Variants in HMGCLL1 observed in about 807,000 individuals in gnomAD.
The protein encoded by HMGCLL1 is 3-hydroxymethyl-3-methylglutaryl-CoA lyase, cytoplasmic.
Under a neutral mutation model 39.1 loss-of-function variants are expected in HMGCLL1, and 36 were observed. The observed-to-expected ratio is 0.92, with a 90% CI of 0.71 to 1.22. HMGCLL1 has a LOEUF of 1.22. HMGCLL1 is among the 50% of genes most tolerant of loss of function. The pLI, the probability that HMGCLL1 is intolerant of heterozygous loss-of-function variation, is 0.00. For missense variants in HMGCLL1, 451 were observed against 416.5 expected, an observed-to-expected ratio of 1.08 and a Z score of -0.72; for synonymous variants, 149 against 144.0, an observed-to-expected ratio of 1.03 and a Z score of -0.25.
At chr6:55,467,940 C>T (rs1258969126) in intron 7 of HMGCLL1, among the ~76,000 whole-genome samples, 1 of 151,962 alleles carries the variant, frequency 6.6e-6, no homozygotes, top group Non-Finnish European at 1.5e-5. Context: ...AACACCTCTT[C>T]AGGAAGTCTT....
intron 3 of HMGCLL1, among the ~76,000 whole-genome samples, chr6:55,541,475 T>TA (rs769391756): frequency 3.6e-4 from 55 of 152,264 alleles, no homozygotes; most frequent in Admixed American, 3.9e-4. Context: ...GCAGACCCCC[T>TA]AAAATGCTAT....
chr6:55,485,608 G>A (rs956383722), intron 7 of HMGCLL1, among the ~76,000 whole-genome samples: 9 of 151,830 alleles, frequency 5.9e-5, no homozygotes, highest in Non-Finnish European at 1.2e-4. Context: ...TAAAATTTGT[G>A]AGGAAAAAAC....
At chr6:55,469,977 C>T (rs1185350075) in intron 7 of HMGCLL1, among the ~76,000 whole-genome samples, 1 of 151,796 alleles carries the variant, frequency 6.6e-6, no homozygotes, top group Non-Finnish European at 1.5e-5. Context: ...TAAAGTTTTC[C>T]AGCTTCCGCA....
chr6:55,504,780 T>C (rs987187283), intron 5 of HMGCLL1, among the ~76,000 whole-genome samples: 1 of 151,714 alleles, frequency 6.6e-6, no homozygotes, highest in Non-Finnish European at 1.5e-5. Context: ...TATGAATTAA[T>C]ACACAAATAC....
intron 7 of HMGCLL1, among the ~76,000 whole-genome samples, chr6:55,488,094 G>A (rs770110593): frequency 1.3e-5 from 2 of 152,006 alleles, no homozygotes; most frequent in Non-Finnish European, 2.9e-5. Flanking sequence ...GGGCAGAATA[G>A]AAAATTTTTC....
the HMGCLL1 span, among the ~76,000 whole-genome samples, chr6:55,617,003 A>G: frequency 1.3e-5 from 2 of 152,106 alleles, no homozygotes; most frequent in Non-Finnish European, 2.9e-5. Context: ...AAATAATAAG[A>G]CAAAGAGAAA....
At chr6:55,439,610 T>C (rs747783845) in intron 7 of HMGCLL1, 51 bp from the exon 8 acceptor site, 1 of 1,579,984 alleles carries the variant, frequency 6.3e-7, no homozygotes, top group African/African-American at 1.4e-5. Context: ...GGCATGTAAA[T>C]TGTTGCATTT....
the HMGCLL1 span, among the ~76,000 whole-genome samples, chr6:55,627,381 G>C: frequency 6.6e-6 from 1 of 151,978 alleles, no homozygotes; most frequent in African/African-American, 2.4e-5. Flanking sequence ...TGCACTTCTG[G>C]TTGTACGGAG....
At chr6:55,641,463 C>CGTGTGT in the HMGCLL1 span, among the ~76,000 whole-genome samples, 1 of 151,562 alleles carries the variant, frequency 6.6e-6, no homozygotes, top group Non-Finnish European at 1.5e-5. Context: ...ATGTTATATA[C>CGTGTGT]GTGTGTGTGT....
chr6:55,517,283 T>A (rs1767790871), intron 3 of HMGCLL1, among the ~76,000 whole-genome samples: 1 of 152,096 alleles, frequency 6.6e-6, no homozygotes, highest in East Asian at 1.9e-4. Flanking sequence ...ATATCAAATT[T>A]ACCAGTTTGC....
the HMGCLL1 span, among the ~76,000 whole-genome samples, chr6:55,612,050 C>T: frequency 6.6e-6 from 1 of 152,156 alleles, no homozygotes; most frequent in East Asian, 1.9e-4. Flanking sequence ...TAGAATACCC[C>T]ATCGTCTCAG....
chr6:55,504,420 A>G (rs978936051), intron 5 of HMGCLL1, among the ~76,000 whole-genome samples: 3 of 151,740 alleles, frequency 2.0e-5, no homozygotes, highest in African/African-American at 7.2e-5. Flanking sequence ...TTGGCAGTAC[A>G]ATAATTATTT....
the HMGCLL1 span, among the ~76,000 whole-genome samples, chr6:55,603,349 ATAATT>A: frequency 6.6e-6 from 1 of 152,116 alleles, no homozygotes; most frequent in African/African-American, 2.4e-5. Flanking sequence ...TATTTAGGTT[ATAATT>A]TAATTTAAGT....
the HMGCLL1 span, among the ~76,000 whole-genome samples, chr6:55,634,303 T>C: frequency 3.9e-5 from 6 of 152,008 alleles, no homozygotes; most frequent in African/African-American, 1.4e-4. Context: ...AAACATCTGC[T>C]CAGCCACAAC....
chr6:55,627,391 G>C, the HMGCLL1 span, among the ~76,000 whole-genome samples: 2 of 151,936 alleles, frequency 1.3e-5, no homozygotes, highest in Non-Finnish European at 2.9e-5. Flanking sequence ...GTTGTACGGA[G>C]GATAGTTGTA....
At chr6:55,549,837 T>A (rs182525139) in intron 1 of HMGCLL1, among the ~76,000 whole-genome samples, 1 of 152,114 alleles carries the variant, frequency 6.6e-6, no homozygotes, top group Admixed American at 6.5e-5. Context: ...TGATGTGCTA[T>A]GAGTTTTCAG....
chr6:55,483,674 A>G (rs1765854978), intron 7 of HMGCLL1, among the ~76,000 whole-genome samples: 1 of 152,212 alleles, frequency 6.6e-6, no homozygotes. Flanking sequence ...TAGACTAAAG[A>G]GATGGAAAGA....
chr6:55,627,791 G>T, the HMGCLL1 span, among the ~76,000 whole-genome samples: 1 of 137,548 alleles, frequency 7.3e-6, no homozygotes, highest in Non-Finnish European at 1.5e-5. Context: ...TTCAGTTTTG[G>T]GACTTGTACT....
At chr6:55,571,095 T>C (rs116066471) in intron 1 of HMGCLL1, among the ~76,000 whole-genome samples, 2,398 of 152,304 alleles carry the variant, frequency 0.016, 58 homozygotes, top group African/African-American at 0.055. Context: ...TTATGGGAGC[T>C]ACAATTCAAG....
Sources: gnomAD v4.1 joint callset for allele counts (sites outside exome capture counted in the v4.1 genomes callset) on GRCh38, gnomAD v4.1.1 for gene constraint, MANE v1.5 for transcripts, NCBI Gene and HGNC (gene_info 2026-07-23, HGNC 2026-07-21) for gene names.